Variants in ENPP6 observed in about 807,000 individuals in gnomAD.
ENPP6 encodes ectonucleotide pyrophosphatase/phosphodiesterase 6, also known as glycerophosphocholine cholinephosphodiesterase ENPP6.
A neutral mutation model predicts 42.0 loss-of-function variants in ENPP6; 32 were observed. The ratio of observed to expected loss-of-function variants is 0.76; its 90% CI spans 0.58 to 1.02. ENPP6 has a LOEUF of 1.02. ENPP6 is among the 50% of genes least tolerant of loss of function. The pLI is 0.00. For missense variants in ENPP6, 552 were observed against 566.8 expected, an observed-to-expected ratio of 0.97 and a Z score of 0.27; for synonymous variants, 213 against 216.0, an observed-to-expected ratio of 0.99 and a Z score of 0.12.
Position 184,184,850 on chromosome 4 carries a change from G to A in ENPP6, c.242-31117C>T, listed in dbSNP as rs59163151. On this transcript the variant is annotated intron_variant, in intron 1 of 7. Transcript: ENST00000296741. The surrounding 1 kb of genome is among the most constrained non-coding windows in gnomAD (Gnocchi z 4.7). Reference sequence around the variant, plus strand: ...CCCTTGATTTTGGACTTCTTGCCTCGAGAACCATGGCAGTCGATTCCTGTT... The same window carrying A: ...CCCTTGATTTTGGACTTCTTGCCTCAAGAACCATGGCAGTCGATTCCTGTT... Among the ~76,000 whole-genome samples the A allele has an allele frequency of 0.05, 7,588 of 151,916 alleles. 569 individuals are homozygous for A. Among genetic ancestry groups the A allele is most frequent in the African/African-American group, 0.17 (7,014 of 41,336 alleles).
At chr4:184,095,124 G>A (rs1358976873) in intron 7 of ENPP6, among the ~76,000 whole-genome samples, 2 of 152,176 alleles carry the variant, frequency 1.3e-5, no homozygotes, top group African/African-American at 2.4e-5. Context: ...GATGGTTTGC[G>A]GGAGGCTCTC....
At chr4:184,198,692 TG>T (rs1732842650) in intron 1 of ENPP6, among the ~76,000 whole-genome samples, 1 of 152,210 alleles carries the variant, frequency 6.6e-6, no homozygotes, top group Non-Finnish European at 1.5e-5. Context: ...AAATCACAAA[TG>T]GGGATTTAAT....
intron 2 of ENPP6, among the ~76,000 whole-genome samples, chr4:184,131,017 T>A (rs1341893533): frequency 6.6e-6 from 1 of 152,196 alleles, no homozygotes; most frequent in Non-Finnish European, 1.5e-5. Context: ...TAGGTATGCA[T>A]TTCTGTTAGG....
chr4:184,186,474 A>G (rs1175026829), intron 1 of ENPP6, among the ~76,000 whole-genome samples: 1 of 152,216 alleles, frequency 6.6e-6, no homozygotes, highest in African/African-American at 2.4e-5. Flanking sequence ...AAGAGAGAAC[A>G]AGAAAGAAAG....
intron 1 of ENPP6, among the ~76,000 whole-genome samples, chr4:184,168,165 T>G (rs946962927): frequency 6.6e-6 from 1 of 152,130 alleles, no homozygotes; most frequent in African/African-American, 2.4e-5. Context: ...ACACGACTCA[T>G]TCCACTTTAT....
At chr4:184,132,666 A>G (rs2111360624) in intron 2 of ENPP6, among the ~76,000 whole-genome samples, 1 of 152,142 alleles carries the variant, frequency 6.6e-6, no homozygotes, top group African/African-American at 2.4e-5. Context: ...TAAACATAGA[A>G]GCCTTATGTT....
rs566511959 is a variant in ENPP6, at chr4:184,109,393, T to G, written c.993+3279A>C. Among the ~76,000 whole-genome samples the G allele has an allele frequency of 2.0e-5, 3 of 152,338 alleles. No individual in the cohort carries two copies. In the East Asian group the frequency reaches 5.8e-4, roughly 29 times the overall value. On this transcript the variant is annotated intron_variant, in intron 6 of 7. Transcript: ENST00000296741. ...AAATTTAAACAGACATTTTTCTTGA[T>G]GTATTTATTATCTGCAAGGTGTAAA... is the stretch of plus-strand genomic sequence containing the variant.
rs1732754563 is a variant in ENPP6, at chr4:184,194,111, T to A, written c.241+23468A>T. Among the ~76,000 whole-genome samples the A allele has an allele frequency of 3.3e-5, 5 of 152,336 alleles. No individual in the cohort carries two copies. The South Asian group carries it at 1.0e-3, about 32-fold the overall frequency. ...GCATGGTCCCCGAGGTTCCTCTTTC[T>A]TACCATCATGGTCCCTCATCTACTC... On this transcript the variant is annotated intron_variant, in intron 1 of 7. Coordinates refer to ENST00000296741, the MANE Select transcript of ENPP6 (RefSeq NM_153343.4).
At position 184,141,417 on chromosome 4, in the gene ENPP6, C is replaced by G. The variant is rs149879127; in HGVS notation, c.421+12137G>C. Among the ~76,000 whole-genome samples the G allele has an allele frequency of 6.6e-5, 10 of 152,334 alleles. No homozygotes were observed. The East Asian group carries it at 1.9e-3, about 29-fold the overall frequency. On this transcript the variant is annotated intron_variant, in intron 2 of 7. Coordinates refer to ENST00000296741, the MANE Select transcript of ENPP6 (RefSeq NM_153343.4). ...AAAGCAGGGCTTTCTGAATCTCTGC[C>G]TCAGGGATCTGTGGGGAAGGCGGCA...
At chr4:184,179,630 A>T (rs1466420567) in intron 1 of ENPP6, among the ~76,000 whole-genome samples, 1 of 152,222 alleles carries the variant, frequency 6.6e-6, no homozygotes, top group Non-Finnish European at 1.5e-5. Flanking sequence ...ATCACTTTTC[A>T]GCAAATGCAA....
intron 2 of ENPP6, among the ~76,000 whole-genome samples, chr4:184,148,551 G>A (rs992794345): frequency 6.6e-6 from 1 of 152,212 alleles, no homozygotes; most frequent in Admixed American, 6.5e-5. Flanking sequence ...TGCTTTTGAA[G>A]ATCATTTTGT....
intron 1 of ENPP6, among the ~76,000 whole-genome samples, chr4:184,158,743 T>C (rs1737213602): frequency 1.3e-5 from 2 of 152,236 alleles, no homozygotes; most frequent in Admixed American, 1.3e-4. Flanking sequence ...GCTTTCAATG[T>C]CATAAAATAG....
At chr4:184,121,037 C>A (rs946167608) in intron 3 of ENPP6, among the ~76,000 whole-genome samples, 1 of 152,134 alleles carries the variant, frequency 6.6e-6, no homozygotes, top group African/African-American at 2.4e-5. Flanking sequence ...AAGTATTTAA[C>A]CTTCAGAGAG....
rs573879436 is a variant in ENPP6, at chr4:184,168,575, G to C, written c.242-14842C>G. On this transcript the variant is annotated intron_variant, in intron 1 of 7. Coordinates refer to ENST00000296741, the MANE Select transcript of ENPP6 (RefSeq NM_153343.4). ...AGCAAGGAGCGAGCCCTCTGAGCCT[G>C]GCCACGCTGGCCCGCCACTGCCCTC... Among the ~76,000 whole-genome samples, 5 of 152,348 alleles carry C rather than the reference G, an allele frequency of 3.3e-5. No homozygotes were observed. The South Asian group carries it at 8.3e-4, about 25-fold the overall frequency.
At chr4:184,155,102 C>T (rs1737136897) in intron 1 of ENPP6, among the ~76,000 whole-genome samples, 1 of 152,274 alleles carries the variant, frequency 6.6e-6, no homozygotes, top group Admixed American at 6.5e-5. Context: ...AGGTTGCAGC[C>T]ACAACTTCAG....
At chr4:184,168,076 C>T (rs1418515849) in intron 1 of ENPP6, among the ~76,000 whole-genome samples, 4 of 152,098 alleles carry the variant, frequency 2.6e-5, no homozygotes, top group African/African-American at 9.7e-5. Flanking sequence ...AACTGAGGAC[C>T]TGTGAAAACC....
At chr4:184,157,773 A>T (rs921482591) in intron 1 of ENPP6, among the ~76,000 whole-genome samples, 2 of 18,990 alleles carry the variant, frequency 1.1e-4, no homozygotes, top group African/African-American at 2.4e-4. Context: ...AAACTTGGCT[A>T]ATTTTTTTTT....
At chr4:184,188,233 G>T (rs771574831) in intron 1 of ENPP6, among the ~76,000 whole-genome samples, 3 of 152,168 alleles carry the variant, frequency 2.0e-5, no homozygotes, top group African/African-American at 4.8e-5. Context: ...AGTCCTGTCA[G>T]TTTCCGTTGT....
At chr4:184,116,710 G>T in intron 5 of ENPP6, 146 bp downstream of exon 5, 2 of 1,108,714 alleles carry the variant, frequency 1.8e-6, no homozygotes, top group East Asian at 2.5e-5. Context: ...TCCAGCCTGG[G>T]CAATAAAAGT....
Sources: allele counts gnomAD v4.1 joint callset (sites outside exome capture counted in the v4.1 genomes callset), GRCh38; gene constraint gnomAD v4.1.1; non-coding constraint Gnocchi (gnomAD v3.1); transcripts MANE v1.5; gene names NCBI Gene and HGNC (gene_info 2026-07-23, HGNC 2026-07-21).